Variants in GLG1 observed in about 807,000 individuals in gnomAD.
The protein encoded by GLG1 is golgi glycoprotein 1.
Under a neutral mutation model 160.5 loss-of-function variants are expected in GLG1, and 38 were observed. The ratio of observed to expected loss-of-function variants is 0.24; its 90% confidence interval spans 0.18 to 0.31. The LOEUF is 0.31. GLG1 is among the 10% of genes least tolerant of loss of function. The probability of loss-of-function intolerance (pLI) is 1.00; values close to 1 mark genes in which losing one functional copy is unlikely to be tolerated. For missense variants in GLG1, 1,373 were observed against 1,505.2 expected, an observed-to-expected ratio of 0.91 and a Z score of 1.45; for synonymous variants, 644 against 543.4, an observed-to-expected ratio of 1.19 and a Z score of -2.57.
At chr16:74,606,200 C>T (rs1190334846) in intron 1 of GLG1, among the ~76,000 whole-genome samples, 1 of 152,158 alleles carries the variant, frequency 6.6e-6, no homozygotes, top group Non-Finnish European at 1.5e-5. Context: ...TATGGATTTG[C>T]GAATTACATC....
chr16:74,469,743 C>A, intron 16 of GLG1: 1 of 517,326 alleles, frequency 1.9e-6, no homozygotes, highest in Non-Finnish European at 3.5e-6. Flanking sequence ...AGTTAGATGG[C>A]CTGACCTGGA....
intron 1 of GLG1, among the ~76,000 whole-genome samples, chr16:74,587,336 A>G (rs1270892156): frequency 6.6e-6 from 1 of 152,206 alleles, no homozygotes; most frequent in African/African-American, 2.4e-5. Flanking sequence ...AGAGAAATTA[A>G]ACTTTAGGGT....
intron 1 of GLG1, among the ~76,000 whole-genome samples, chr16:74,580,042 G>A (rs1250560626): frequency 2.0e-5 from 3 of 152,338 alleles, no homozygotes; most frequent in African/African-American, 7.2e-5. Context: ...CAGGCTGGGT[G>A]ACAGAGTGAG....
rs956557549 is a variant in GLG1, at chr16:74,452,466, C to T, written c.*701G>A. 9.3e-6 allele frequency: 10 copies of T among 1,077,486 alleles called. No homozygotes were observed. The highest frequency in any genetic ancestry group is 3.3e-5 in the African/African-American group (2 of 61,514). 66.7% of individuals were successfully genotyped at this position (1,077,486 alleles called of 1,614,324 possible). On this transcript the variant is annotated 3_prime_UTR_variant, in exon 26 of 26. Coordinates refer to ENST00000422840, the MANE Select transcript of GLG1 (RefSeq NM_001145667.2). ...AGGCTCATGCTTTGCTTCAATGAAG[C>T]GAGGAGACCACAGAAATACCCATGG...
At chr16:74,477,597 A>G (rs1314150356) in intron 11 of GLG1, 64 bp from the exon 12 acceptor site, 4 of 1,243,232 alleles carry the variant, frequency 3.2e-6, no homozygotes. Context: ...AAGATATGAG[A>G]TAAACCTGCT....
rs545759368 is a variant in GLG1 at position 74,488,150 on chromosome 16, T to C, written c.1450-2233A>G. Among the ~76,000 whole-genome samples, 4 of 151,900 alleles carry C rather than the reference T, an allele frequency of 2.6e-5. No homozygotes were observed. The South Asian group carries it at 8.3e-4, about 32-fold the overall frequency. ...TTACAGCTTACTACCTGCTGAGAAA[T>C]CACTAAATCAATCACCAAGCAGAGA... On this transcript the variant is annotated intron_variant, in intron 8 of 25. Transcript: ENST00000422840.
chr16:74,477,200 C>G (rs541077737), intron 12 of GLG1, among the ~76,000 whole-genome samples, 196 bp downstream of exon 12: 1 of 152,164 alleles, frequency 6.6e-6, no homozygotes, highest in South Asian at 2.1e-4. Context: ...CACAAACTCA[C>G]TGCCAACTAT....
intron 3 of GLG1, among the ~76,000 whole-genome samples, chr16:74,505,874 C>A (rs1361304789): frequency 6.6e-6 from 1 of 151,454 alleles, no homozygotes; most frequent in African/African-American, 2.4e-5. Context: ...AAACAAAAAA[C>A]CCAAAATTAG....
At chr16:74,572,971 A>T (rs1310804780) in intron 1 of GLG1, among the ~76,000 whole-genome samples, 1 of 152,210 alleles carries the variant, frequency 6.6e-6, no homozygotes, top group Non-Finnish European at 1.5e-5. Flanking sequence ...GAGCTGAATT[A>T]GAGGACACTC....
At chr16:74,594,517 C>T (rs1193342450) in intron 1 of GLG1, among the ~76,000 whole-genome samples, 1 of 152,156 alleles carries the variant, frequency 6.6e-6, no homozygotes, top group Non-Finnish European at 1.5e-5. Context: ...TATTTTAATG[C>T]AGATACAAAG....
intron 1 of GLG1, among the ~76,000 whole-genome samples, chr16:74,559,156 C>A (rs2018436143): frequency 6.6e-6 from 1 of 152,174 alleles, no homozygotes. Flanking sequence ...CAGGCCTGAA[C>A]CACTGGGCCT....
intron 1 of GLG1, among the ~76,000 whole-genome samples, chr16:74,575,435 G>A (rs1167416131): frequency 2.0e-5 from 3 of 152,138 alleles, no homozygotes; most frequent in Non-Finnish European, 4.4e-5. Context: ...AAAATTAACA[G>A]CATGTTTTAG....
chr16:74,509,244 C>T lies in GLG1; in HGVS notation c.472-319G>A, dbSNP rs539259021. ...CTGGAGTGCAACGGCGTGATCGTGG[C>T]TCACTGCAACCTCCACCTCTCGGGT... is the stretch of plus-strand genomic sequence containing the variant. On this transcript the variant is annotated intron_variant, in intron 2 of 25. Coordinates refer to ENST00000422840, the MANE Select transcript of GLG1 (RefSeq NM_001145667.2). 1.5e-3 allele frequency among the ~76,000 whole-genome samples: 205 copies of T among 138,900 alleles called. 1 individual carries two copies. In the South Asian group the frequency reaches 0.016, roughly 11 times the overall value. 91.1% of individuals were successfully genotyped at this position (138,900 alleles called of 152,430 possible). A position where few individuals can be genotyped will look rare whatever the true frequency, so the allele number is the denominator to read the frequency against.
intron 2 of GLG1, among the ~76,000 whole-genome samples, chr16:74,517,505 C>A (rs1034575126): frequency 6.6e-6 from 1 of 152,138 alleles, no homozygotes; most frequent in Non-Finnish European, 1.5e-5. Flanking sequence ...AACAGCCTTG[C>A]AAACTAAAAA....
intron 1 of GLG1, among the ~76,000 whole-genome samples, chr16:74,532,396 A>G (rs552115802): frequency 1.1e-4 from 16 of 152,296 alleles, no homozygotes; most frequent in Non-Finnish European, 1.3e-4. Flanking sequence ...TGCAATGTGA[A>G]GATGGGGAGA....
intron 2 of GLG1, among the ~76,000 whole-genome samples, chr16:74,516,243 A>C (rs1176218012): frequency 1.3e-5 from 2 of 151,774 alleles, no homozygotes; most frequent in Non-Finnish European, 2.9e-5. Context: ...CCAGATCAAC[A>C]GAATATACAT....
intron 1 of GLG1, among the ~76,000 whole-genome samples, chr16:74,601,892 T>G (rs1479122623): frequency 6.6e-6 from 1 of 152,170 alleles, no homozygotes; most frequent in African/African-American, 2.4e-5. Flanking sequence ...AAAAAGGACT[T>G]CCTGAACACC....
At chr16:74,560,130 G>A (rs764261844) in intron 1 of GLG1, among the ~76,000 whole-genome samples, 1 of 152,134 alleles carries the variant, frequency 6.6e-6, no homozygotes, top group Non-Finnish European at 1.5e-5. Context: ...TGGGTCTACG[G>A]TGCTGTTTTT....
chr16:74,555,588 G>A (rs2018329317), intron 1 of GLG1, among the ~76,000 whole-genome samples: 1 of 151,906 alleles, frequency 6.6e-6, no homozygotes, highest in South Asian at 2.1e-4. Flanking sequence ...TGCTTGGGAG[G>A]CTGGGGCAGG....
Sources: allele counts gnomAD v4.1 joint callset (sites outside exome capture counted in the v4.1 genomes callset), GRCh38; gene constraint gnomAD v4.1.1; transcripts MANE v1.5; gene names NCBI Gene and HGNC (gene_info 2026-07-23, HGNC 2026-07-21).